The following PRELID2 variants were observed in gnomAD, a reference collection of about 807,000 sequenced individuals.
The protein encoded by PRELID2 is PRELI domain containing 2, also known as PRELI domain-containing protein 2.
In PRELID2, 25 loss-of-function variants were observed where a neutral mutation model predicts 28.4. The ratio of observed to expected loss-of-function variants is 0.88; its 90% CI spans 0.64 to 1.23. The LOEUF is 1.23. Among genes scored for constraint, PRELID2 ranks in the 50% most tolerant of loss-of-function variants. The probability of loss-of-function intolerance (pLI) is 0.00; values close to 1 mark genes in which losing one functional copy is unlikely to be tolerated. For missense variants in PRELID2, 201 were observed against 214.4 expected (o/e 0.94, Z 0.39); for synonymous variants, 76 against 71.6 (o/e 1.06, Z -0.31).
At chr5:145,504,524 G>A (rs576404020) in intron 1 of PRELID2, among the ~76,000 whole-genome samples, 1 of 152,214 alleles carries the variant, frequency 6.6e-6, no homozygotes, top group Non-Finnish European at 1.5e-5. Flanking sequence ...TTCTTTCAGT[G>A]GACAGATGAC....
intron 1 of PRELID2, among the ~76,000 whole-genome samples, chr5:145,692,544 C>A (rs1176322868): frequency 1.3e-5 from 2 of 152,072 alleles, no homozygotes; most frequent in Non-Finnish European, 2.9e-5. Context: ...AGTGTTTTCA[C>A]CCAAAAGGTG....
At chr5:145,742,326 A>ATTTTT (rs201505408) in intron 1 of PRELID2, among the ~76,000 whole-genome samples, 1 of 136,632 alleles carries the variant, frequency 7.3e-6, no homozygotes, top group African/African-American at 2.7e-5. Flanking sequence ...AAAAATAGAT[A>ATTTTT]TATTTTTTTT....
At chr5:145,665,204 CA>C (rs1754564593) in intron 1 of PRELID2, among the ~76,000 whole-genome samples, 1 of 152,072 alleles carries the variant, frequency 6.6e-6, no homozygotes, top group South Asian at 2.1e-4. Flanking sequence ...AAGCAAGAGT[CA>C]ACACAAGAGA....
chr5:145,728,356 C>A, intron 1 of PRELID2: 1 of 398,000 alleles, frequency 2.5e-6, no homozygotes, highest in Non-Finnish European at 4.8e-6. Context: ...TTACTTATCT[C>A]TACATCTTCC....
At chr5:145,701,552 G>GTT (rs1033839081) in intron 1 of PRELID2, among the ~76,000 whole-genome samples, 4 of 152,170 alleles carry the variant, frequency 2.6e-5, no homozygotes, top group Non-Finnish European at 5.9e-5. Context: ...GAGCAAAGAG[G>GTT]TTGGTGGAGG....
At chr5:145,506,680 G>T (rs1752414297) in intron 1 of PRELID2, among the ~76,000 whole-genome samples, 1 of 152,122 alleles carries the variant, frequency 6.6e-6, no homozygotes, top group East Asian at 1.9e-4. Flanking sequence ...GCCCACAATG[G>T]GAGGATACTG....
intron 1 of PRELID2, among the ~76,000 whole-genome samples, chr5:145,715,245 G>A (rs1755810275): frequency 6.6e-6 from 1 of 152,008 alleles, no homozygotes; most frequent in African/African-American, 2.4e-5. Flanking sequence ...AATTACTCAA[G>A]CCAAAAATCT....
chr5:145,521,863 A>G (rs1055865624), intron 1 of PRELID2, among the ~76,000 whole-genome samples: 1 of 152,208 alleles, frequency 6.6e-6, no homozygotes, highest in African/African-American at 2.4e-5. Context: ...TTAATTTACC[A>G]TATAGATAGA....
At chr5:145,358,015 C>T in the PRELID2 span, among the ~76,000 whole-genome samples, 1,471 of 151,606 alleles carry the variant, frequency 9.7e-3, 18 homozygotes, top group Non-Finnish European at 0.013. Context: ...GCTCTTGGGT[C>T]TTGGACGAGC....
chr5:145,736,422 C>T (rs897153088), intron 1 of PRELID2, among the ~76,000 whole-genome samples: 2 of 152,052 alleles, frequency 1.3e-5, no homozygotes, highest in African/African-American at 4.8e-5. Context: ...GACTACTAGC[C>T]TCAAGTGATA....
At chr5:145,296,083 T>C in the PRELID2 span, among the ~76,000 whole-genome samples, 1 of 152,082 alleles carries the variant, frequency 6.6e-6, no homozygotes, top group African/African-American at 2.4e-5. Context: ...AAGAAATTAT[T>C]CTTTTAAAAC....
At chr5:145,421,571 G>T in the PRELID2 span, among the ~76,000 whole-genome samples, 1 of 142,820 alleles carries the variant, frequency 7.0e-6, no homozygotes, top group East Asian at 2.0e-4. Flanking sequence ...TGTGGGATCG[G>T]TGGTGATATC....
intron 1 of PRELID2, among the ~76,000 whole-genome samples, chr5:145,660,267 T>C (rs1754467823): frequency 6.6e-6 from 1 of 152,120 alleles, no homozygotes; most frequent in Admixed American, 6.6e-5. Context: ...TTCCCTAATC[T>C]TTTTGTGTTT....
At position 145,726,217 on chromosome 5, in the gene PRELID2, AAAGG is replaced by A. The variant is rs778448790; in HGVS notation, n.70+38710_70+38713del. ...AGAAAGAAAGAGCGAAAGAGAGAAG[AAAGG>A]AAGGAAGGAAGGAAGGAGGGAGGGA... On this transcript the variant is annotated intron_variant and non_coding_transcript_variant, in intron 1 of 2. Coordinates refer to the PRELID2 transcript ENST00000510259. 3.7e-3 allele frequency among the ~76,000 whole-genome samples: 475 copies of A among 128,356 alleles called. 2 individuals carry two copies. Among genetic ancestry groups the A allele is most frequent in the African/African-American group, 0.01 (343 of 32,974 alleles). 84.2% of individuals were successfully genotyped at this position (128,356 alleles called of 152,430 possible).
chr5:145,251,388 C>T, the PRELID2 span, among the ~76,000 whole-genome samples: 2 of 152,154 alleles, frequency 1.3e-5, no homozygotes, highest in Non-Finnish European at 2.9e-5. Flanking sequence ...GCCCAAGTTG[C>T]TGTTAGAATA....
intron 4 of PRELID2, among the ~76,000 whole-genome samples, chr5:145,799,041 T>TATAA (rs1489125050): frequency 2.7e-5 from 4 of 149,734 alleles, no homozygotes; most frequent in African/African-American, 9.8e-5. Flanking sequence ...TATATATATA[T>TATAA]AAAAGACTCA....
chr5:145,432,306 G>A, the PRELID2 span, among the ~76,000 whole-genome samples: 1 of 151,250 alleles, frequency 6.6e-6, no homozygotes, highest in African/African-American at 2.4e-5. Context: ...TAATTTTTTT[G>A]TAACCACCCT....
chr5:145,815,156 C>T (rs897627417), intron 4 of PRELID2, among the ~76,000 whole-genome samples: 3 of 152,176 alleles, frequency 2.0e-5, no homozygotes, highest in African/African-American at 7.2e-5. Flanking sequence ...AAGACTAGAA[C>T]TCACTCTATC....
the PRELID2 span, among the ~76,000 whole-genome samples, chr5:145,245,221 T>C: frequency 6.6e-6 from 1 of 152,098 alleles, no homozygotes; most frequent in Non-Finnish European, 1.5e-5. Context: ...GCCAAGAAGC[T>C]ACAGTTTAAA....
Sources: allele counts gnomAD v4.1 joint callset (sites outside exome capture counted in the v4.1 genomes callset), GRCh38; gene constraint gnomAD v4.1.1; transcripts MANE v1.5; gene names NCBI Gene and HGNC (gene_info 2026-07-23, HGNC 2026-07-21).